MSR1: variants seen among roughly 807,000 people sequenced by gnomAD.
The protein encoded by MSR1 is macrophage scavenger receptor types I and II.
In MSR1, 53 loss-of-function variants were observed where a neutral mutation model predicts 47.2. The ratio of observed to expected loss-of-function variants is 1.12; its 90% confidence interval spans 0.90 to 1.41. The LOEUF is 1.41. Ranked by LOEUF, MSR1 falls within the 40% of genes most tolerant of loss-of-function variation. MSR1 has a pLI of 0.00. For synonymous variants in MSR1, 239 were observed against 185.6 expected (o/e 1.29, Z -2.34); for missense variants, 786 against 546.9 (o/e 1.44, Z -4.36).
At chr8:16,144,400 T>C (rs1800643539) in intron 7 of MSR1, among the ~76,000 whole-genome samples, 4 of 152,056 alleles carry the variant, frequency 2.6e-5, no homozygotes, top group Non-Finnish European at 5.9e-5. Flanking sequence ...AAGTAATTAC[T>C]ACCTTGACAT....
At chr8:16,137,895 G>A (rs770184894) in intron 8 of MSR1, among the ~76,000 whole-genome samples, 11 of 151,916 alleles carry the variant, frequency 7.2e-5, no homozygotes, top group Non-Finnish European at 1.3e-4. Context: ...AGGAGGCTGA[G>A]GTGGGAGGAT....
chr8:16,134,695 G>T (rs2117092062), intron 8 of MSR1, among the ~76,000 whole-genome samples: 1 of 152,284 alleles, frequency 6.6e-6, no homozygotes, highest in Middle Eastern at 3.4e-3. Flanking sequence ...AAACCTTAGT[G>T]AGAAAGGCGG....
chr8:16,126,694 A>T (rs1408180887), intron 8 of MSR1, among the ~76,000 whole-genome samples: 3 of 152,158 alleles, frequency 2.0e-5, no homozygotes, highest in Non-Finnish European at 4.4e-5. Context: ...CCAGGGAGAC[A>T]AGTATTTGGG....
intron 4 of MSR1, 56 bp downstream of exon 4, chr8:16,168,402 C>A (rs972688649): frequency 8.2e-6 from 13 of 1,593,202 alleles, no homozygotes; most frequent in Admixed American, 1.7e-5. Flanking sequence ...CCTAAGGAGA[C>A]GAGACTTGGA....
chr8:16,174,917 T>C (rs1038880462), intron 3 of MSR1, among the ~76,000 whole-genome samples: 1 of 152,168 alleles, frequency 6.6e-6, no homozygotes, highest in Non-Finnish European at 1.5e-5. Context: ...TGAAAGAGCG[T>C]CCTTTTCATT....
intron 1 of MSR1, chr8:16,186,202 A>C: frequency 1.3e-6 from 2 of 1,535,472 alleles, no homozygotes; most frequent in Non-Finnish European, 1.7e-6. Flanking sequence ...GCACTGAGAT[A>C]GCACATCCAG....
intron 8 of MSR1, chr8:16,140,408 G>C (rs1053366011): frequency 1.0e-6 from 1 of 985,338 alleles, no homozygotes; most frequent in African/African-American, 1.7e-5. Flanking sequence ...AAAACAAATG[G>C]ATTTTTCCTA....
intron 8 of MSR1, chr8:16,139,649 A>G (rs917097576): frequency 1.0e-5 from 10 of 972,772 alleles, no homozygotes; most frequent in Non-Finnish European, 1.2e-5. Flanking sequence ...CATGATCAAA[A>G]TATTTTTGTT....
At chr8:16,182,303 CAGTG>C (rs1298156735) in intron 1 of MSR1, among the ~76,000 whole-genome samples, 1 of 152,136 alleles carries the variant, frequency 6.6e-6, no homozygotes, top group Non-Finnish European at 1.5e-5. Flanking sequence ...CTGGGTGAGT[CAGTG>C]AGTGAGCGGT....
At chr8:16,159,464 T>C (rs939440883) in intron 5 of MSR1, among the ~76,000 whole-genome samples, 1 of 152,066 alleles carries the variant, frequency 6.6e-6, no homozygotes, top group Non-Finnish European at 1.5e-5. Context: ...TATTAAAAAA[T>C]CTTTGTCTCT....
chr8:16,171,414 T>C (rs568158781), intron 3 of MSR1, among the ~76,000 whole-genome samples: 3 of 152,264 alleles, frequency 2.0e-5, no homozygotes, highest in African/African-American at 7.2e-5. Context: ...TGACAATATT[T>C]TGATGTGATC....
chr8:16,141,531 G>A (rs569494104), intron 8 of MSR1, among the ~76,000 whole-genome samples: 13 of 152,222 alleles, frequency 8.5e-5, no homozygotes, highest in Admixed American at 2.0e-4. Flanking sequence ...TAACATAAGC[G>A]AAAAGCAGAA....
chr8:16,151,209 G>A (rs961773225), intron 6 of MSR1, among the ~76,000 whole-genome samples: 3 of 152,018 alleles, frequency 2.0e-5, no homozygotes, highest in Non-Finnish European at 2.9e-5. Context: ...GGAGCATCTT[G>A]GGGCCATAAG....
chr8:16,176,250 T>A (rs1801642625), intron 2 of MSR1, among the ~76,000 whole-genome samples: 2 of 152,180 alleles, frequency 1.3e-5, no homozygotes, highest in Admixed American at 6.5e-5. Flanking sequence ...CTCACGCCTG[T>A]AATCCCAGCA....
rs1800365570 is a variant in MSR1, at chr8:16,135,411, A to G, written c.1033+8147T>C. 2.0e-5 allele frequency among the ~76,000 whole-genome samples: 3 copies of G among 152,158 alleles called. No homozygotes were observed. In the South Asian group the frequency reaches 6.2e-4, roughly 32 times the overall value. ...CCTGGGTGACAGCACGTCTGTTGAC[A>G]GCATGGTTTACTGAATATTTTAATC... On this transcript the variant is annotated intron_variant, in intron 8 of 9. Transcript: ENST00000262101.
At chr8:16,181,667 G>C (rs377442392) in intron 1 of MSR1, among the ~76,000 whole-genome samples, 176 of 152,066 alleles carry the variant, frequency 1.2e-3, no homozygotes, top group African/African-American at 4.1e-3. Flanking sequence ...GAGGCAAGGG[G>C]AGGGATAGCA....
chr8:16,139,195 T>A (rs887178013), intron 8 of MSR1: 2 of 847,838 alleles, frequency 2.4e-6, no homozygotes, highest in African/African-American at 1.8e-5. Context: ...CCATGACATT[T>A]ATTCAGCTTC....
At position 16,160,980 on chromosome 8, in the gene MSR1, T is replaced by C. The variant is rs567473778; in HGVS notation, c.817+3085A>G. Among the ~76,000 whole-genome samples, 4 of 150,398 alleles carry C rather than the reference T, an allele frequency of 2.7e-5. No homozygotes were observed. In the East Asian group the frequency reaches 7.9e-4, roughly 30 times the overall value. ...AGAGAGAGAAAAGACACATCTAGTG[T>C]AAAGAGAGAAACCACACACATCCAG... On this transcript the variant is annotated intron_variant, in intron 5 of 9. Transcript: ENST00000262101.
chr8:16,168,453 C>G lies in MSR1; in HGVS notation c.630+5G>C, dbSNP rs1485958383. Reference sequence around the variant, plus strand: ...CAAGTGACCTTGCAGTCCACAAACTCTTACCTCTTGTTGTTTGAAGGTATT... The same window carrying G: ...CAAGTGACCTTGCAGTCCACAAACTGTTACCTCTTGTTGTTTGAAGGTATT... On this transcript the variant is annotated splice_donor_5th_base_variant and intron_variant, in intron 4 of 9. Coordinates refer to ENST00000262101, the MANE Select transcript of MSR1 (RefSeq NM_138715.3). 6.2e-7 allele frequency: 1 copy of G among 1,614,040 alleles called. No homozygotes were observed. The highest frequency in any genetic ancestry group is 1.7e-5 in the Admixed American group (1 of 60,028).
Sources: gnomAD v4.1 joint callset for allele counts (sites outside exome capture counted in the v4.1 genomes callset) on GRCh38, gnomAD v4.1.1 for gene constraint, MANE v1.5 for transcripts, NCBI Gene and HGNC (gene_info 2026-07-23, HGNC 2026-07-21) for gene names.